The following GNA14 variants were observed in gnomAD, a reference collection of about 807,000 sequenced individuals.
The protein encoded by GNA14 is guanine nucleotide-binding protein subunit alpha-14.
In GNA14, 50 loss-of-function variants were observed where a neutral mutation model predicts 42.0. That is an observed-to-expected ratio of 1.19 (90% CI 0.95 to 1.51). GNA14 has a LOEUF of 1.51. Among genes scored for constraint, GNA14 ranks in the 40% most tolerant of loss-of-function variants. The pLI, the probability that GNA14 is intolerant of heterozygous loss-of-function variation, is 0.00. For missense variants in GNA14, 473 were observed against 446.2 expected (o/e 1.06, Z -0.54); for synonymous variants, 173 against 163.1 (o/e 1.06, Z -0.46).
chr9:77,639,487 G>T (rs774234965), intron 1 of GNA14, among the ~76,000 whole-genome samples: 4 of 152,194 alleles, frequency 2.6e-5, no homozygotes, highest in Non-Finnish European at 4.4e-5. Context: ...CATGCTAACC[G>T]CTGTGTCACA....
At chr9:77,634,842 C>T (rs1207809714) in intron 1 of GNA14, among the ~76,000 whole-genome samples, 2 of 152,160 alleles carry the variant, frequency 1.3e-5, no homozygotes, top group African/African-American at 4.8e-5. Flanking sequence ...GAGCTAAGTT[C>T]TGCACTTAGC....
chr9:77,578,832 G>A (rs1823170522), intron 1 of GNA14, among the ~76,000 whole-genome samples: 1 of 152,178 alleles, frequency 6.6e-6, no homozygotes, highest in South Asian at 2.1e-4. Context: ...TGAACCAGCT[G>A]GGTAAGAGGG....
intron 2 of GNA14, among the ~76,000 whole-genome samples, chr9:77,489,911 G>C (rs1396194004): frequency 6.6e-6 from 1 of 152,142 alleles, no homozygotes; most frequent in Non-Finnish European, 1.5e-5. Flanking sequence ...GACCGGAGCA[G>C]GTTGCCACTG....
At chr9:77,522,812 G>A (rs1168138418) in intron 2 of GNA14, among the ~76,000 whole-genome samples, 1 of 152,172 alleles carries the variant, frequency 6.6e-6, no homozygotes, top group Admixed American at 6.5e-5. Flanking sequence ...TGTTTGGGAT[G>A]TTCTAGTGCC....
intron 2 of GNA14, among the ~76,000 whole-genome samples, chr9:77,520,738 C>T (rs117137829): frequency 0.024 from 3,672 of 152,166 alleles, 71 homozygotes; most frequent in South Asian, 0.061. Context: ...ATGTGTTGGA[C>T]GGATGCATAA....
chr9:77,546,681 A>C (rs112978364), intron 1 of GNA14, among the ~76,000 whole-genome samples: 1 of 152,234 alleles, frequency 6.6e-6, no homozygotes, highest in South Asian at 2.1e-4. Flanking sequence ...GAATTTTTCA[A>C]TGTATCTCTT....
At chr9:77,487,883 TCA>T (rs777064714) in intron 2 of GNA14, among the ~76,000 whole-genome samples, 5 of 152,186 alleles carry the variant, frequency 3.3e-5, no homozygotes, top group Admixed American at 6.5e-5. Context: ...TCTCACTGTC[TCA>T]CAGAGTTGTT....
intron 1 of GNA14, among the ~76,000 whole-genome samples, chr9:77,622,150 T>C (rs1368889461): frequency 6.6e-6 from 1 of 152,198 alleles, no homozygotes; most frequent in African/African-American, 2.4e-5. Context: ...GTGTAAACAA[T>C]ATTAGACTGA....
At chr9:77,425,118 C>T (rs1323760614) in intron 6 of GNA14, among the ~76,000 whole-genome samples, 1 of 152,100 alleles carries the variant, frequency 6.6e-6, no homozygotes, top group Non-Finnish European at 1.5e-5. Flanking sequence ...CAAGCAGAGT[C>T]TCTACCCTCA....
intron 2 of GNA14, among the ~76,000 whole-genome samples, chr9:77,499,721 G>A (rs958868305): frequency 2.0e-5 from 3 of 151,914 alleles, no homozygotes; most frequent in Admixed American, 6.6e-5. Flanking sequence ...ATGGTGGCGC[G>A]CTCCTGTAGT....
At chr9:77,623,225 A>G (rs1823958655) in intron 1 of GNA14, among the ~76,000 whole-genome samples, 1 of 97,734 alleles carries the variant, frequency 1.0e-5, no homozygotes, top group Non-Finnish European at 1.8e-5. Context: ...TCAAAAAAAA[A>G]AAAAAAAAAA....
chr9:77,635,339 G>A (rs1450985403), intron 1 of GNA14: 1 of 152,198 alleles, frequency 6.6e-6, no homozygotes, highest in African/African-American at 2.4e-5. Flanking sequence ...TAAGCCTTCT[G>A]TATAAATGAC....
At position 77,608,135 on chromosome 9, in the gene GNA14, A is replaced by C. The variant is rs554551403; in HGVS notation, c.124+39535T>G. On this transcript the variant is annotated intron_variant, in intron 1 of 6. Transcript: ENST00000341700. ...CTACCTTAATGGGGACAGAAGGCAG[A>C]GTACTGAACCAAAGAAGATTATTCT... Among the ~76,000 whole-genome samples the C allele has an allele frequency of 1.4e-4, 22 of 152,360 alleles. 1 individual carries two copies. Among genetic ancestry groups the C allele is most frequent in the African/African-American group, 4.6e-4 (19 of 41,586 alleles).
intron 1 of GNA14, among the ~76,000 whole-genome samples, chr9:77,577,717 C>G (rs1045439867): frequency 6.6e-6 from 1 of 152,168 alleles, no homozygotes; most frequent in Admixed American, 6.5e-5. Flanking sequence ...TCAATGAGGG[C>G]TCTGTAGAAT....
intron 1 of GNA14, among the ~76,000 whole-genome samples, chr9:77,568,458 C>T (rs1564055685): frequency 6.7e-6 from 1 of 148,376 alleles, no homozygotes; most frequent in Admixed American, 6.8e-5. Context: ...TGCCACTGCA[C>T]TCCAGCCTGG....
chr9:77,631,905 T>C (rs901788808), intron 1 of GNA14, among the ~76,000 whole-genome samples: 10 of 152,062 alleles, frequency 6.6e-5, no homozygotes, highest in South Asian at 2.1e-4. Flanking sequence ...ACAAGCAGGA[T>C]CCTCGCCCCT....
chr9:77,569,420 G>A (rs1823025825), intron 1 of GNA14, among the ~76,000 whole-genome samples: 1 of 152,154 alleles, frequency 6.6e-6, no homozygotes, highest in Non-Finnish European at 1.5e-5. Context: ...CAGTGCTGGA[G>A]GGGCCAGAAC....
intron 2 of GNA14, among the ~76,000 whole-genome samples, chr9:77,502,937 T>A (rs1392394930): frequency 6.6e-6 from 1 of 152,152 alleles, no homozygotes; most frequent in African/African-American, 2.4e-5. Context: ...TTGTTGGAGC[T>A]TTTTTGTCTG....
intron 1 of GNA14, among the ~76,000 whole-genome samples, chr9:77,561,368 T>C (rs1822879898): frequency 6.6e-6 from 1 of 152,064 alleles, no homozygotes; most frequent in South Asian, 2.1e-4. Context: ...GGATAAGAAA[T>C]ATTTTAAAAA....
Sources: allele counts gnomAD v4.1 joint callset (sites outside exome capture counted in the v4.1 genomes callset), GRCh38; gene constraint gnomAD v4.1.1; transcripts MANE v1.5; gene names NCBI Gene and HGNC (gene_info 2026-07-23, HGNC 2026-07-21).